RFFL: variants seen among roughly 807,000 people sequenced by gnomAD.
RFFL encodes the protein E3 ubiquitin-protein ligase rififylin.
RFFL carries 16 observed loss-of-function variants against 40.4 expected under a neutral mutation model. The ratio of observed to expected loss-of-function variants is 0.40; its 90% confidence interval spans 0.27 to 0.60. The LOEUF (loss-of-function observed/expected upper bound fraction) is 0.60, where lower values mean the gene tolerates loss of function less well. Ranked by LOEUF, RFFL falls within the 20% of genes least tolerant of loss-of-function variation. RFFL has a pLI of 0.47. For synonymous variants in RFFL, 154 were observed against 167.9 expected (o/e 0.92, Z 0.64); for missense variants, 367 against 451.7 (o/e 0.81, Z 1.70).
intron 1 of RFFL, among the ~76,000 whole-genome samples, chr17:35,052,706 G>A (rs2091238832): frequency 6.6e-6 from 1 of 152,198 alleles, no homozygotes; most frequent in South Asian, 2.1e-4. Flanking sequence ...TGCCCACTAT[G>A]TGCAGGGAAC....
intron 2 of RFFL, among the ~76,000 whole-genome samples, chr17:35,024,945 C>G (rs1421645408): frequency 1.3e-5 from 2 of 152,158 alleles, no homozygotes; most frequent in East Asian, 3.9e-4. Flanking sequence ...AATATTGTAC[C>G]AATAACCATC....
At chr17:35,027,814 C>T (rs2091053292) in intron 1 of RFFL, among the ~76,000 whole-genome samples, 1 of 151,686 alleles carries the variant, frequency 6.6e-6, no homozygotes, top group South Asian at 2.1e-4. Context: ...GGGTGGATCA[C>T]CTGAGGTCAG....
intron 1 of RFFL, among the ~76,000 whole-genome samples, chr17:35,046,430 C>CAGG (rs899221299): frequency 4.6e-5 from 7 of 152,140 alleles, no homozygotes; most frequent in African/African-American, 1.7e-4. Flanking sequence ...CAGACACACC[C>CAGG]AGGTCTGGGT....
Position 35,016,855 on chromosome 17 carries a change from G to A in RFFL, c.676-275C>T, listed in dbSNP as rs536131187. ...ATAGAAGTATAGTAGAAGGAGTGCT[G>A]GTTTGAGTCATATGACCCTAATTTT... On this transcript the variant is annotated intron_variant, in intron 4 of 6. Coordinates refer to ENST00000394597, the MANE Select transcript of RFFL (RefSeq NM_001017368.2). Among the ~76,000 whole-genome samples, 14 of 152,240 alleles carry A rather than the reference G, an allele frequency of 9.2e-5. 1 individual carries two copies. The highest frequency in any genetic ancestry group is 2.6e-4 in the African/African-American group (11 of 41,556).
In RFFL at chr17:35,021,718, G is replaced by A. The variant is rs1446815947; in HGVS notation, c.244C>T (p.Pro82Ser). 2 of 1,614,216 alleles carry A rather than the reference G, an allele frequency of 1.2e-6. No individual in the cohort carries two copies. Among genetic ancestry groups the A allele is most frequent in the Non-Finnish European group, 1.7e-6 (2 of 1,180,032 alleles). Residue 82 changes from proline to serine, a missense_variant, in exon 3 of 7, where the codon CCC (proline) becomes TCC (serine). Transcript: ENST00000394597. ...MTCSSQVGNGPRLCLLCQRFR... is the reference protein window; with the variant it reads ...MTCSSQVGNGSRLCLLCQRFR... ...CGTTGGCAGAGAAGGCAGAGGCGGG[G>A]CCCATTCCCTACTTGGCTCGAACAG... is the stretch of plus-strand genomic sequence containing the variant.
chr17:35,060,829 T>C (rs1003275579), intron 1 of RFFL, among the ~76,000 whole-genome samples: 1 of 151,872 alleles, frequency 6.6e-6, no homozygotes, highest in Admixed American at 6.5e-5. Flanking sequence ...TGCCAAGCTC[T>C]AGTCCAGGGA....
At chr17:35,082,564 T>C (rs1280189371) in intron 1 of RFFL, among the ~76,000 whole-genome samples, 2 of 152,226 alleles carry the variant, frequency 1.3e-5, no homozygotes, top group Non-Finnish European at 2.9e-5. Context: ...TTCTTAACTT[T>C]AGTCCTCACT....
At chr17:35,076,152 C>T (rs1319036993) in intron 1 of RFFL, among the ~76,000 whole-genome samples, 2 of 151,724 alleles carry the variant, frequency 1.3e-5, no homozygotes, top group East Asian at 3.9e-4. Context: ...TGCCACCACA[C>T]CTGGCTAATT....
intron 1 of RFFL, among the ~76,000 whole-genome samples, chr17:35,038,304 A>AAAGAAAAAAAAAAAAAAAAAAAAT: frequency 6.6e-6 from 1 of 151,652 alleles, no homozygotes; most frequent in Non-Finnish European, 1.5e-5. Flanking sequence ...AAAAAAAAAA[A>AAAGAAAAAAAAAAAAAAAAAAAAT]AAGGAAAAAA....
intron 1 of RFFL, among the ~76,000 whole-genome samples, chr17:35,084,727 T>TAAA (rs71366407): frequency 0.026 from 3,690 of 144,652 alleles, 158 homozygotes; most frequent in African/African-American, 0.088. Flanking sequence ...CCGTCTCTAC[T>TAAA]AAAAAAAAAA....
At chr17:35,031,123 T>A (rs2142333271) in intron 1 of RFFL, among the ~76,000 whole-genome samples, 1 of 152,170 alleles carries the variant, frequency 6.6e-6, no homozygotes, top group South Asian at 2.1e-4. Context: ...TAACTTTTTT[T>A]TGGGATGGAG....
intron 1 of RFFL, among the ~76,000 whole-genome samples, chr17:35,085,386 T>C (rs1336636399): frequency 2.0e-5 from 3 of 152,202 alleles, no homozygotes; most frequent in Non-Finnish European, 4.4e-5. Context: ...TTTTGTTTTA[T>C]TATCAGATTC....
chr17:35,069,042 C>T (rs2091334103), intron 1 of RFFL, among the ~76,000 whole-genome samples: 1 of 152,164 alleles, frequency 6.6e-6, no homozygotes, highest in South Asian at 2.1e-4. Context: ...AATGAAGTGA[C>T]TTAGCAGGCT....
chr17:35,019,371 T>C (rs549326676), intron 3 of RFFL, among the ~76,000 whole-genome samples: 84 of 152,132 alleles, frequency 5.5e-4, no homozygotes, highest in African/African-American at 2.0e-3. Context: ...CCTGAAAAGT[T>C]TGCTTGGTTT....
intron 1 of RFFL, among the ~76,000 whole-genome samples, chr17:35,072,072 G>A (rs536693885): frequency 6.6e-6 from 1 of 152,094 alleles, no homozygotes; most frequent in African/African-American, 2.4e-5. Flanking sequence ...CTTGAGCTCA[G>A]GAGTTCAAGA....
At chr17:35,088,488 T>C (rs1296526319) in intron 1 of RFFL, among the ~76,000 whole-genome samples, 7 of 152,208 alleles carry the variant, frequency 4.6e-5, no homozygotes, top group Non-Finnish European at 1.0e-4. Flanking sequence ...AACTGTCTCC[T>C]GGGCAGCCGG....
chr17:35,072,920 G>A (rs1232633206), intron 1 of RFFL, among the ~76,000 whole-genome samples: 2 of 151,826 alleles, frequency 1.3e-5, no homozygotes, highest in Non-Finnish European at 2.9e-5. Context: ...GCGTGCATCT[G>A]TAATCTCAGC....
intron 1 of RFFL, among the ~76,000 whole-genome samples, chr17:35,084,179 C>T (rs993938233): frequency 6.6e-6 from 1 of 152,108 alleles, no homozygotes; most frequent in Non-Finnish European, 1.5e-5. Flanking sequence ...GCAGAGGTTG[C>T]GGTGAGCCGA....
intron 1 of RFFL, among the ~76,000 whole-genome samples, chr17:35,032,438 G>T (rs150814733): frequency 6.6e-6 from 1 of 151,968 alleles, no homozygotes; most frequent in Non-Finnish European, 1.5e-5. Flanking sequence ...ACTAGCAGAC[G>T]AGAGAAGGGG....
Sources: gnomAD v4.1 joint callset for allele counts (sites outside exome capture counted in the v4.1 genomes callset) on GRCh38, gnomAD v4.1.1 for gene constraint, MANE v1.5 for transcripts, NCBI Gene and HGNC (gene_info 2026-07-23, HGNC 2026-07-21) for gene names.